The following MACROD2 variants were observed in gnomAD, a reference collection of about 807,000 sequenced individuals.
The protein encoded by MACROD2 is mono-ADP ribosylhydrolase 2, also known as ADP-ribose glycohydrolase MACROD2.
Under a neutral mutation model 70.4 loss-of-function variants are expected in MACROD2, and 36 were observed. The ratio of observed to expected loss-of-function variants is 0.51; its 90% CI spans 0.39 to 0.68. MACROD2 has a LOEUF of 0.68. MACROD2 is among the 30% of genes least tolerant of loss of function. The pLI, the probability that MACROD2 is intolerant of heterozygous loss-of-function variation, is 0.00. For missense variants in MACROD2, 496 were observed against 538.4 expected (o/e 0.92, Z 0.78); for synonymous variants, 172 against 178.8 (o/e 0.96, Z 0.30).
At chr20:14,352,171 T>C (rs542155363) in intron 3 of MACROD2, 2 of 152,312 alleles carry the variant, frequency 1.3e-5, no homozygotes, top group South Asian at 2.1e-4. Flanking sequence ...TCAGAGATAT[T>C]GGCCTGTAGT....
At chr20:15,107,962 A>G (rs1189862823) in intron 5 of MACROD2, among the ~76,000 whole-genome samples, 2 of 150,004 alleles carry the variant, frequency 1.3e-5, no homozygotes, top group Non-Finnish European at 3.0e-5. Context: ...AGCAAGTCCT[A>G]TGGACTCTTG....
intron 3 of MACROD2, among the ~76,000 whole-genome samples, chr20:14,175,185 C>A (rs912298084): frequency 6.6e-6 from 1 of 152,182 alleles, no homozygotes; most frequent in African/African-American, 2.4e-5. Context: ...GTGGGAGCTG[C>A]AAGGTAGTCC....
At chr20:14,343,428 C>G (rs1013001428) in intron 3 of MACROD2, among the ~76,000 whole-genome samples, 4 of 152,036 alleles carry the variant, frequency 2.6e-5, no homozygotes, top group Non-Finnish European at 5.9e-5. Flanking sequence ...TTATGGACTT[C>G]AAATAAAGTG....
rs531586134 is a variant in MACROD2 at position 15,364,757 on chromosome 20, A to T, written c.541-66648A>T. 1.1e-3 allele frequency among the ~76,000 whole-genome samples: 167 copies of T among 152,318 alleles called. 1 individual carries two copies. The highest frequency in any genetic ancestry group is 3.4e-3 in the Middle Eastern group (1 of 294). ...TAGAGCCAGCACATAGTAGGCCCTT[A>T]ATCACTCTGTGCTCACCAATGAAGG... On this transcript the variant is annotated intron_variant, in intron 6 of 17. Transcript: ENST00000684519.
intron 4 of MACROD2, among the ~76,000 whole-genome samples, chr20:14,673,231 G>A (rs1287792058): frequency 6.6e-6 from 1 of 152,174 alleles, no homozygotes. Flanking sequence ...AATTTAGAGA[G>A]GCTCTTTTGA....
intron 8 of MACROD2, among the ~76,000 whole-genome samples, chr20:15,699,618 G>C (rs1369427669): frequency 6.6e-6 from 1 of 152,098 alleles, no homozygotes; most frequent in African/African-American, 2.4e-5. Context: ...CCACAGCCCC[G>C]AGTTTGTTTC....
intron 5 of MACROD2, among the ~76,000 whole-genome samples, chr20:15,178,424 T>C (rs1303224955): frequency 6.6e-6 from 1 of 152,244 alleles, no homozygotes; most frequent in Non-Finnish European, 1.5e-5. Flanking sequence ...TCTGTGTGGT[T>C]ATGACATTTG....
At chr20:16,037,670 T>C (rs2067253249) in intron 15 of MACROD2, among the ~76,000 whole-genome samples, 1 of 151,960 alleles carries the variant, frequency 6.6e-6, no homozygotes, top group Admixed American at 6.6e-5. Flanking sequence ...GTCAAAGTTA[T>C]TGAAAAAATT....
intron 8 of MACROD2, among the ~76,000 whole-genome samples, chr20:15,808,749 A>G (rs1430633644): frequency 6.6e-6 from 1 of 152,166 alleles, no homozygotes; most frequent in African/African-American, 2.4e-5. Flanking sequence ...CATCTTTGTG[A>G]CATTTCAGTA....
chr20:14,115,644 A>G (rs769383676), intron 3 of MACROD2, among the ~76,000 whole-genome samples: 2 of 152,210 alleles, frequency 1.3e-5, no homozygotes, highest in Non-Finnish European at 2.9e-5. Context: ...CATTGAAAAA[A>G]CAGTGTGTTC....
At chr20:14,386,967 C>T (rs1235613457) in intron 3 of MACROD2, among the ~76,000 whole-genome samples, 1 of 152,184 alleles carries the variant, frequency 6.6e-6, no homozygotes, top group Non-Finnish European at 1.5e-5. Flanking sequence ...AACCGGAGAA[C>T]ACCAGTAATA....
chr20:14,788,334 C>A (rs376570329), intron 5 of MACROD2, among the ~76,000 whole-genome samples: 1 of 151,830 alleles, frequency 6.6e-6, no homozygotes, highest in Non-Finnish European at 1.5e-5. Flanking sequence ...CCTGTAATTC[C>A]AGCACTTTGG....
intron 4 of MACROD2, 125 bp downstream of exon 4, chr20:14,493,633 G>A (rs1045588615): frequency 1.4e-6 from 1 of 712,828 alleles, no homozygotes; most frequent in Non-Finnish European, 2.4e-6. Flanking sequence ...TTACAAAAAT[G>A]TTAATCTTTC....
At chr20:14,054,922 CTA>C (rs1169294132) in intron 2 of MACROD2, among the ~76,000 whole-genome samples, 1 of 152,084 alleles carries the variant, frequency 6.6e-6, no homozygotes, top group Non-Finnish European at 1.5e-5. Flanking sequence ...GTTCCTGACT[CTA>C]TGATATAATT....
chr20:15,100,944 A>T (rs115990828), intron 5 of MACROD2, among the ~76,000 whole-genome samples: 1,972 of 152,266 alleles, frequency 0.013, 44 homozygotes, highest in African/African-American at 0.046. Context: ...AGCCACCAAG[A>T]AAGATTCTCT....
At chr20:15,768,343 C>G (rs528901177) in intron 8 of MACROD2, among the ~76,000 whole-genome samples, 2 of 152,252 alleles carry the variant, frequency 1.3e-5, no homozygotes, top group Non-Finnish European at 2.9e-5. Flanking sequence ...TGTTACTGTA[C>G]TGAATACAGT....
intron 5 of MACROD2, among the ~76,000 whole-genome samples, chr20:14,746,755 G>T (rs1444013596): frequency 1.3e-5 from 2 of 152,262 alleles, no homozygotes; most frequent in Admixed American, 6.5e-5. Context: ...TCCTGAAAGG[G>T]TTACTGTAGG....
At chr20:15,429,422 G>T (rs6079817) in intron 6 of MACROD2, among the ~76,000 whole-genome samples, 26,198 of 151,916 alleles carry the variant, frequency 0.17, 2,766 homozygotes, top group Non-Finnish European at 0.25. Flanking sequence ...AATAGTAAAG[G>T]CTTCCACAGG....
intron 3 of MACROD2, among the ~76,000 whole-genome samples, chr20:14,345,527 G>A (rs943814482): frequency 1.3e-5 from 2 of 150,872 alleles, no homozygotes; most frequent in Non-Finnish European, 1.5e-5. Context: ...TTTTTTCTTA[G>A]ATGGAGTCTT....
Sources: gnomAD v4.1 joint callset for allele counts (sites outside exome capture counted in the v4.1 genomes callset) on GRCh38, gnomAD v4.1.1 for gene constraint, MANE v1.5 for transcripts, NCBI Gene and HGNC (gene_info 2026-07-23, HGNC 2026-07-21) for gene names.